Variants in HS3ST4 observed in about 807,000 individuals in gnomAD.
HS3ST4 encodes the protein heparan sulfate glucosamine 3-O-sulfotransferase 4.
In HS3ST4, 17 loss-of-function variants were observed where a neutral mutation model predicts 29.2. The ratio of observed to expected loss-of-function variants is 0.58; its 90% CI spans 0.40 to 0.87. The LOEUF is 0.87. Among genes scored for constraint, HS3ST4 ranks in the 40% least tolerant of loss-of-function variants. HS3ST4 has a pLI of 0.00. For missense variants in HS3ST4, 627 were observed against 634.5 expected (o/e 0.99, Z 0.13); for synonymous variants, 314 against 285.7 (o/e 1.10, Z -1.00).
chr16:25,695,879 GT>G (rs1372414202), intron 1 of HS3ST4, among the ~76,000 whole-genome samples: 1 of 152,134 alleles, frequency 6.6e-6, no homozygotes, highest in Non-Finnish European at 1.5e-5. Context: ...CATGTTTCTG[GT>G]TTTTGTGTTT....
At chr16:26,004,448 A>C (rs1596641548) in intron 1 of HS3ST4, among the ~76,000 whole-genome samples, 1 of 152,188 alleles carries the variant, frequency 6.6e-6, no homozygotes, top group African/African-American at 2.4e-5. Context: ...TGTCCATCAA[A>C]GTGCAATCCT....
chr16:26,028,610 G>A (rs554161311), intron 1 of HS3ST4, among the ~76,000 whole-genome samples: 10 of 152,286 alleles, frequency 6.6e-5, no homozygotes, highest in African/African-American at 2.4e-4. Context: ...AGTGCAATGT[G>A]ATGGGCTAGT....
chr16:25,712,110 A>G (rs1966419400), intron 1 of HS3ST4, among the ~76,000 whole-genome samples: 2 of 152,186 alleles, frequency 1.3e-5, no homozygotes, highest in African/African-American at 2.4e-5. Context: ...TTTGTCAGTC[A>G]TACCTCAATA....
chr16:26,123,921 C>CT (rs1467415570), intron 1 of HS3ST4, among the ~76,000 whole-genome samples: 3 of 150,004 alleles, frequency 2.0e-5, no homozygotes, highest in Admixed American at 2.0e-4. Context: ...ATGAAAACTT[C>CT]TTTTTTTGTT....
intron 1 of HS3ST4, among the ~76,000 whole-genome samples, chr16:25,753,893 G>C (rs557924854): frequency 2.6e-5 from 4 of 152,138 alleles, no homozygotes; most frequent in Non-Finnish European, 4.4e-5. Flanking sequence ...TGACACAACG[G>C]TAGGTATAGA....
intron 1 of HS3ST4, among the ~76,000 whole-genome samples, chr16:26,000,325 ATC>A (rs1315071952): frequency 6.6e-6 from 1 of 152,110 alleles, no homozygotes; most frequent in East Asian, 1.9e-4. Flanking sequence ...TCTCAAAATG[ATC>A]TCTCTACTTT....
At chr16:25,935,755 T>G (rs571268718) in intron 1 of HS3ST4, among the ~76,000 whole-genome samples, 22 of 152,274 alleles carry the variant, frequency 1.4e-4, no homozygotes, top group Non-Finnish European at 2.1e-4. Flanking sequence ...TTTTGGCAAT[T>G]ATGAGTAAAG....
intron 1 of HS3ST4, among the ~76,000 whole-genome samples, chr16:26,114,383 C>T (rs181512100): frequency 6.6e-6 from 1 of 152,266 alleles, no homozygotes; most frequent in East Asian, 1.9e-4. Flanking sequence ...TGGCATGAAA[C>T]TCTACTTGTT....
chr16:26,054,327 A>G (rs972325222), intron 1 of HS3ST4, among the ~76,000 whole-genome samples: 2 of 141,724 alleles, frequency 1.4e-5, no homozygotes, highest in Non-Finnish European at 3.0e-5. Context: ...GAAGAAGAAG[A>G]AGAGAAGAAG....
intron 1 of HS3ST4, among the ~76,000 whole-genome samples, chr16:25,997,119 C>G (rs1394062698): frequency 6.6e-6 from 1 of 152,136 alleles, no homozygotes; most frequent in Non-Finnish European, 1.5e-5. Flanking sequence ...TGGGTTTTAA[C>G]TGGAGCCTCT....
chr16:26,128,729 T>G (rs1318993151), intron 1 of HS3ST4, among the ~76,000 whole-genome samples: 3 of 152,214 alleles, frequency 2.0e-5, no homozygotes, highest in African/African-American at 7.2e-5. Context: ...TTTTTGCATC[T>G]CTATAATGGG....
intron 1 of HS3ST4, among the ~76,000 whole-genome samples, chr16:25,875,676 C>T (rs1025472363): frequency 6.6e-6 from 1 of 152,066 alleles, no homozygotes; most frequent in African/African-American, 2.4e-5. Context: ...CTGTTTCCCA[C>T]CCTTAGGAAA....
At position 25,783,040 on chromosome 16, in the gene HS3ST4, T is replaced by G. The variant is rs148548801; in HGVS notation, c.734+89889T>G. Among the ~76,000 whole-genome samples, 7 of 152,286 alleles carry G rather than the reference T, an allele frequency of 4.6e-5. No individual in the cohort carries two copies. The East Asian group carries it at 1.4e-3, about 29-fold the overall frequency. ...TCTAATCCACCCTCATTTTGTTGCTTTCTTTGAAAAAAAGAAGAGGGTTGG... is the reference window on the plus strand; with the variant it reads ...TCTAATCCACCCTCATTTTGTTGCTGTCTTTGAAAAAAAGAAGAGGGTTGG... On this transcript the variant is annotated intron_variant, in intron 1 of 1. Transcript: ENST00000331351.
intron 1 of HS3ST4, among the ~76,000 whole-genome samples, chr16:25,696,622 C>G (rs915353041): frequency 7.9e-5 from 12 of 152,176 alleles, no homozygotes; most frequent in African/African-American, 2.9e-4. Flanking sequence ...CCTCAGCCTC[C>G]CGAGTACCTG....
At chr16:25,814,246 T>C (rs982812109) in intron 1 of HS3ST4, among the ~76,000 whole-genome samples, 1 of 151,634 alleles carries the variant, frequency 6.6e-6, no homozygotes, top group African/African-American at 2.4e-5. Context: ...AAAATAATTA[T>C]GGAATGCAGC....
At chr16:25,724,811 A>C (rs1193525794) in intron 1 of HS3ST4, among the ~76,000 whole-genome samples, 2 of 152,188 alleles carry the variant, frequency 1.3e-5, no homozygotes, top group East Asian at 3.8e-4. Flanking sequence ...GAATTAAAAC[A>C]ATGAGTTTGT....
chr16:25,842,559 TAC>T (rs1286503559), intron 1 of HS3ST4, among the ~76,000 whole-genome samples: 1 of 152,256 alleles, frequency 6.6e-6, no homozygotes, highest in Non-Finnish European at 1.5e-5. Flanking sequence ...ATGTTTTAGA[TAC>T]CCAGTAAATT....
At chr16:26,119,217 A>G (rs1000336755) in intron 1 of HS3ST4, among the ~76,000 whole-genome samples, 3 of 152,196 alleles carry the variant, frequency 2.0e-5, no homozygotes, top group African/African-American at 7.2e-5. Context: ...CCTCTCAGCT[A>G]GCATGGGCTG....
At chr16:25,996,713 A>G (rs1969162022) in intron 1 of HS3ST4, among the ~76,000 whole-genome samples, 1 of 152,146 alleles carries the variant, frequency 6.6e-6, no homozygotes, top group Non-Finnish European at 1.5e-5. Flanking sequence ...TTTCACTACT[A>G]TTCTCTATTT....
Sources: gnomAD v4.1 joint callset for allele counts (sites outside exome capture counted in the v4.1 genomes callset) on GRCh38, gnomAD v4.1.1 for gene constraint, MANE v1.5 for transcripts, NCBI Gene and HGNC (gene_info 2026-07-23, HGNC 2026-07-21) for gene names.